The following ZSWIM8 variants were observed in gnomAD, a reference collection of about 807,000 sequenced individuals.
ZSWIM8 encodes the protein zinc finger SWIM-type containing 8, also known as zinc finger SWIM domain-containing protein 8.
Under a neutral mutation model 173.7 loss-of-function variants are expected in ZSWIM8, and 27 were observed. The ratio of observed to expected loss-of-function variants is 0.16; its 90% CI spans 0.11 to 0.21. The LOEUF is 0.21. ZSWIM8 is among the 10% of genes least tolerant of loss of function. The pLI, the probability that ZSWIM8 is intolerant of heterozygous loss-of-function variation, is 1.00. For missense variants in ZSWIM8, 1,627 were observed against 2,428.8 expected (o/e 0.67, Z 6.94); for synonymous variants, 958 against 962.0 (o/e 1.00, Z 0.08).
rs1565084632 is a variant in ZSWIM8, at chr10:73,797,609, A to T, written c.3662+4A>T. 1 of 1,613,642 alleles carries T rather than the reference A, an allele frequency of 6.2e-7. No homozygotes were observed. The highest frequency in any genetic ancestry group is 8.5e-7 in the Non-Finnish European group (1 of 1,179,752). On this transcript the variant is annotated splice_donor_region_variant and intron_variant, in intron 18 of 25. Transcript: ENST00000604729. The surrounding 1 kb of genome is among the most constrained non-coding windows in gnomAD (Gnocchi z 5.6). ...CGAAGACTGTTGAAGTTGGCAGGTC[A>T]GTGGGAAGAACTCCCCATCTTCCCT...
At chr10:73,796,370 G>T (rs967384036) in intron 15 of ZSWIM8, 1 of 425,590 alleles carries the variant, frequency 2.3e-6, no homozygotes, top group South Asian at 1.7e-5. Context: ...AGAAGAAGAA[G>T]AAAAAAAGAA....
chr10:73,798,549 C>A, intron 20 of ZSWIM8, 96 bp downstream of exon 20: 1 of 1,144,622 alleles, frequency 8.7e-7, no homozygotes, highest in South Asian at 1.5e-5. Context: ...ATTCCCGTAT[C>A]CTGGAGTTTA....
At chr10:73,795,215 A>T (rs2083582202) in intron 14 of ZSWIM8, among the ~76,000 whole-genome samples, 1 of 152,210 alleles carries the variant, frequency 6.6e-6, no homozygotes, top group Non-Finnish European at 1.5e-5. Flanking sequence ...ATGTGGGTTA[A>T]AAGATCAGTA....
intron 10 of ZSWIM8, 63 bp from the exon 11 acceptor site, chr10:73,793,525 G>C: frequency 6.6e-7 from 1 of 1,517,904 alleles, no homozygotes. Flanking sequence ...GCATGAGTGA[G>C]CATGATGTCC....
Position 73,789,814 on chromosome 10 carries a change from TC to T in ZSWIM8, c.731del (p.Pro244LeufsTer73). On this transcript the variant is annotated frameshift_variant, in exon 5 of 26. Coordinates refer to ENST00000604729, the MANE Select transcript of ZSWIM8 (RefSeq NM_001367799.1). LOFTEE classifies it high-confidence loss of function. This position sits in a 1 kb window ranked among gnomAD's most constrained non-coding sequence, Gnocchi z 6.8. ...TTTGCTCAGTACCTCATCAGTGAGC[TC>T]CCTCAGCAGGTGGGTGAGGTCGGCA... ...QKFAQYLISE[L>X]PQQILPTAQR... 1 of 1,606,802 alleles carries T rather than the reference TC, an allele frequency of 6.2e-7. No individual in the cohort carries two copies. Among genetic ancestry groups the T allele is most frequent in the South Asian group, 1.1e-5 (1 of 89,592 alleles).
chr10:73,790,453 A>T lies in ZSWIM8; in HGVS notation c.941+161A>T, dbSNP rs368227998. 2.0e-5 allele frequency among the ~76,000 whole-genome samples: 3 copies of T among 152,234 alleles called. No homozygotes were observed. The East Asian group carries it at 5.8e-4, about 29-fold the overall frequency. On this transcript the variant is annotated intron_variant, in intron 7 of 25. Transcript: ENST00000604729. The stretch of plus-strand genomic sequence containing the variant: ...GTTGTCACTAACGAATTGATGGAAG[A>T]TGATGACCTTGTACAGTCACAGAGT...
Position 73,800,320 on chromosome 10 carries a change from C to T in ZSWIM8, c.4850C>T (p.Thr1617Met), listed in dbSNP as rs749354610. The change falls in exon 23 of 26, where the codon ACG becomes ATG. Residue 1617 changes from threonine to methionine, a missense_variant. By Grantham distance (81) the Thr-to-Met change is moderately conservative. Coordinates refer to ENST00000604729, the MANE Select transcript of ZSWIM8 (RefSeq NM_001367799.1). The surrounding 1 kb of genome is among the most constrained non-coding windows in gnomAD (Gnocchi z 4.1). ...GTGAGCAGTGTCCATCCAGCATCCA[C>T]GTTTCCAGCCATCCAAGGTGCCTCA... Reference protein sequence around the residue: ...VALSSVHPASTFPAIQGASLP... With the variant: ...VALSSVHPASMFPAIQGASLP... The T allele has an allele frequency of 9.3e-6, 15 of 1,613,760 alleles. No homozygotes were observed. The highest frequency in any genetic ancestry group is 1.1e-5 in the South Asian group (1 of 91,084).
chr10:73,801,627 C>A lies in ZSWIM8; in HGVS notation c.*108C>A. On this transcript the variant is annotated 3_prime_UTR_variant, in exon 26 of 26. Coordinates refer to ENST00000604729, the MANE Select transcript of ZSWIM8 (RefSeq NM_001367799.1). The surrounding 1 kb of genome is among the most constrained non-coding windows in gnomAD (Gnocchi z 4.9). ...GGACAGATCATCCTCACTCAGTTCC[C>A]TGGTAGCACAGACTGACAGCTGCTC... is the stretch of plus-strand genomic sequence containing the variant. 1 of 1,540,092 alleles carries A rather than the reference C, an allele frequency of 6.5e-7. No individual in the cohort carries two copies. Among genetic ancestry groups the A allele is most frequent in the Non-Finnish European group, 8.7e-7 (1 of 1,148,300 alleles).
Position 73,789,461 on chromosome 10 carries a change from T to G in ZSWIM8, c.552T>G (p.Thr184=), listed in dbSNP as rs753972705. Residue 184 remains threonine (T), a synonymous_variant, in exon 4 of 26, where the codon ACT becomes ACG. Transcript: ENST00000604729. This position sits in a 1 kb window ranked among gnomAD's most constrained non-coding sequence, Gnocchi z 6.8. The part of the protein sequence containing the change: ...VAVMFDRCRV[T]SCSCTCGAGA... ...TGATGTTTGACCGCTGCCGGGTCAC[T>G]TCCTGCAGCTGTACCTGTGGGGCTG... 7.4e-6 allele frequency: 12 copies of G among 1,611,190 alleles called. No homozygotes were observed. Among genetic ancestry groups the G allele is most frequent in the Non-Finnish European group, 7.6e-6 (9 of 1,178,768 alleles).
chr10:73,786,357 CGTGCGCG>C (rs2132636531), intron 1 of ZSWIM8: 1 of 363,872 alleles, frequency 2.7e-6, no homozygotes, highest in Non-Finnish European at 4.9e-6. Context: ...CGCGCGCGCG[CGTGCGCG>C]CGCTGTGACA....
intron 15 of ZSWIM8, 71 bp from the exon 16 acceptor site, chr10:73,796,703 G>A (rs1164623793): frequency 6.3e-7 from 1 of 1,575,118 alleles, no homozygotes; most frequent in African/African-American, 1.3e-5. Flanking sequence ...GAGAAAGGAA[G>A]GTAATAGAAG....
Position 73,791,020 on chromosome 10 carries a change from T to G in ZSWIM8, c.987T>G (p.Ala329=). The G allele has an allele frequency of 6.2e-7, 1 of 1,613,556 alleles. No individual in the cohort carries two copies. The highest frequency in any genetic ancestry group is 1.3e-5 in the African/African-American group (1 of 75,056). The part of the protein sequence containing the change: ...MYLSSTEPPA[A]AEWACLLRPL... ...TGTCTTCCACGGAGCCGCCAGCCGC[T>G]GCTGAATGGGCATGTCTGCTGCGCC... Residue 329 remains alanine (A), a synonymous_variant, in exon 8 of 26, where the codon GCT becomes GCG. Coordinates refer to ENST00000604729, the MANE Select transcript of ZSWIM8 (RefSeq NM_001367799.1). The surrounding 1 kb of genome is among the most constrained non-coding windows in gnomAD (Gnocchi z 6.0).
At chr10:73,788,573 T>G (rs2083304382) in intron 1 of ZSWIM8, 97 bp from the exon 2 acceptor site, 2 of 1,423,130 alleles carry the variant, frequency 1.4e-6, no homozygotes, top group African/African-American at 2.9e-5. Flanking sequence ...ATAGTGAAGA[T>G]GAGGCCCAGG....
chr10:73,794,563 G>A lies in ZSWIM8; in HGVS notation c.2832G>A (p.Arg944=). The A allele has an allele frequency of 1.9e-6, 3 of 1,561,582 alleles. No individual in the cohort carries two copies. Among genetic ancestry groups the A allele is most frequent in the Non-Finnish European group, 2.6e-6 (3 of 1,152,072 alleles). The change falls in exon 14 of 26, where the codon CGG becomes CGA. Residue 944 remains arginine (R), a synonymous_variant. Coordinates refer to ENST00000604729, the MANE Select transcript of ZSWIM8 (RefSeq NM_001367799.1). ...CAGTGGTTTCTCCCACAGGTTCCCG[G>A]CCCCCAAGTCGCAACTGGAACAGCG... ...CAPVVSPTGS[R]PPSRNWNSET...
chr10:73,792,985 C>G lies in ZSWIM8; in HGVS notation c.2313+133C>G. On this transcript the variant is annotated intron_variant, in intron 10 of 25. Coordinates refer to ENST00000604729, the MANE Select transcript of ZSWIM8 (RefSeq NM_001367799.1). This position sits in a 1 kb window ranked among gnomAD's most constrained non-coding sequence, Gnocchi z 4.3. Reference sequence around the variant, plus strand: ...CTGTTGCAGGCGCCGAACTGGTCTCCCTGCTTTCAGTCTACTCACTTTTCT... The same window carrying G: ...CTGTTGCAGGCGCCGAACTGGTCTCGCTGCTTTCAGTCTACTCACTTTTCT... The G allele has an allele frequency of 9.0e-7, 1 of 1,107,584 alleles. No individual in the cohort carries two copies. The highest frequency in any genetic ancestry group is 1.3e-6 in the Non-Finnish European group (1 of 793,152). 68.6% of individuals were successfully genotyped at this position (1,107,584 alleles called of 1,614,324 possible).
chr10:73,789,840 A>AC lies in ZSWIM8; in HGVS notation c.738+21dup, dbSNP rs1220475431. On this transcript the variant is annotated intron_variant, in intron 5 of 25. Transcript: ENST00000604729. The surrounding 1 kb of genome is among the most constrained non-coding windows in gnomAD (Gnocchi z 6.8). Reference sequence around the variant, plus strand: ...CCCTCAGCAGGTGGGTGAGGTCGGCACCCCCTCCTGCAATTAGCTCCGGGC... The same window carrying AC: ...CCCTCAGCAGGTGGGTGAGGTCGGCACCCCCCTCCTGCAATTAGCTCCGGGC... The AC allele has an allele frequency of 7.5e-6, 12 of 1,594,232 alleles. No individual in the cohort carries two copies. The African/African-American group carries it at 1.1e-4, about 14-fold the overall frequency.
chr10:73,790,489 T>TA (rs1034767936), intron 7 of ZSWIM8, among the ~76,000 whole-genome samples, 197 bp downstream of exon 7: 1 of 152,214 alleles, frequency 6.6e-6, no homozygotes, highest in African/African-American at 2.4e-5. Context: ...GGTCTGCTCT[T>TA]ACCTAGCAAG....
In ZSWIM8 at chr10:73,795,801, A is replaced by G; in HGVS notation, c.3033+138A>G. On this transcript the variant is annotated intron_variant, in intron 15 of 25. Coordinates refer to ENST00000604729, the MANE Select transcript of ZSWIM8 (RefSeq NM_001367799.1). ...GGCGAAACCCCGTCTCTACCAAAAA[A>G]TACAAAAAATTAGCAGCTGGGTGTG... 3.1e-6 allele frequency: 3 copies of G among 972,392 alleles called. No homozygotes were observed. In the South Asian group the frequency reaches 5.2e-5, roughly 17 times the overall value. 60.2% of individuals were successfully genotyped at this position (972,392 alleles called of 1,614,324 possible). A position where few individuals can be genotyped will look rare whatever the true frequency, so the allele number is the denominator to read the frequency against.
intron 21 of ZSWIM8, 141 bp downstream of exon 21, chr10:73,799,631 A>G (rs2083830998): frequency 8.2e-7 from 1 of 1,219,468 alleles, no homozygotes; most frequent in South Asian, 1.4e-5. Context: ...ACCCAGCCCA[A>G]CTAAAATAAG....
Sources: gnomAD v4.1 joint callset for allele counts (sites outside exome capture counted in the v4.1 genomes callset) on GRCh38, gnomAD v4.1.1 for gene constraint, Gnocchi (gnomAD v3.1) non-coding constraint, MANE v1.5 for transcripts, NCBI Gene and HGNC (gene_info 2026-07-23, HGNC 2026-07-21) for gene names.